HMBOX1: variants seen among roughly 807,000 people sequenced by gnomAD.
HMBOX1 encodes the protein homeobox-containing protein 1.
HMBOX1 carries 14 observed loss-of-function variants against 54.5 expected under a neutral mutation model. The observed-to-expected ratio is 0.26, with a 90% confidence interval of 0.17 to 0.40. HMBOX1 has a LOEUF of 0.40. Ranked by LOEUF, HMBOX1 falls within the 10% of genes least tolerant of loss-of-function variation. The pLI is 1.00. For missense variants in HMBOX1, 332 were observed against 514.4 expected (o/e 0.65, Z 3.43); for synonymous variants, 160 against 181.0 (o/e 0.88, Z 0.93).
intron 1 of HMBOX1, among the ~76,000 whole-genome samples, chr8:28,917,679 G>T (rs1019668255): frequency 6.6e-6 from 1 of 151,970 alleles, no homozygotes; most frequent in South Asian, 2.1e-4. Context: ...TATATTTAGG[G>T]TTTTCATGGA....
intron 4 of HMBOX1, among the ~76,000 whole-genome samples, chr8:28,992,350 T>A (rs1831099707): frequency 6.6e-6 from 1 of 152,188 alleles, no homozygotes; most frequent in Admixed American, 6.5e-5. Context: ...AGTTTTTCTG[T>A]TATTATCGTT....
At chr8:28,890,261 G>A (rs1451793131), upstream of HMBOX1, 1 of 194,286 alleles carries the variant, frequency 5.1e-6, no homozygotes, top group African/African-American at 2.3e-5. Flanking sequence ...CAAAGGGAAG[G>A]CGGATGGGCA....
chr8:28,926,737 T>A (rs1364736535), intron 1 of HMBOX1, among the ~76,000 whole-genome samples: 2 of 152,184 alleles, frequency 1.3e-5, no homozygotes, highest in African/African-American at 4.8e-5. Context: ...CTAGCTAATT[T>A]AAAAAAACTT....
intron 1 of HMBOX1, among the ~76,000 whole-genome samples, chr8:28,896,094 G>A (rs1812051411): frequency 1.3e-5 from 2 of 152,200 alleles, no homozygotes; most frequent in Admixed American, 1.3e-4. Context: ...ATGTGACCTT[G>A]GGCAAATCAT....
intron 2 of HMBOX1, among the ~76,000 whole-genome samples, chr8:28,964,647 G>A (rs774830821): frequency 1.3e-4 from 20 of 151,990 alleles, no homozygotes; most frequent in Non-Finnish European, 2.9e-4. Context: ...TTCCGTTTTG[G>A]TTGACAGTTC....
At chr8:29,005,988 CTATTT>C (rs1475049626) in intron 4 of HMBOX1, among the ~76,000 whole-genome samples, 1 of 137,154 alleles carries the variant, frequency 7.3e-6, no homozygotes, top group African/African-American at 2.7e-5. Flanking sequence ...TTGATGCATT[CTATTT>C]TTTTTTTTTT....
At chr8:28,947,193 GC>G (rs1822620199) in intron 1 of HMBOX1, among the ~76,000 whole-genome samples, 1 of 152,138 alleles carries the variant, frequency 6.6e-6, no homozygotes, top group Non-Finnish European at 1.5e-5. Flanking sequence ...AAAATGTGAG[GC>G]CCTAAAATAA....
intron 1 of HMBOX1, among the ~76,000 whole-genome samples, chr8:28,908,583 T>C: frequency 6.6e-6 from 1 of 152,204 alleles, no homozygotes; most frequent in African/African-American, 2.4e-5. Context: ...GGCCAAACCC[T>C]GTCTCTACCA....
chr8:28,896,184 C>T (rs1461862708), intron 1 of HMBOX1, among the ~76,000 whole-genome samples: 2 of 152,152 alleles, frequency 1.3e-5, no homozygotes, highest in African/African-American at 2.4e-5. Context: ...TATTGTGAGC[C>T]CTTGAAGTGC....
intron 1 of HMBOX1, among the ~76,000 whole-genome samples, chr8:28,948,115 A>T (rs536368829): frequency 6.6e-6 from 1 of 152,116 alleles, no homozygotes; most frequent in Non-Finnish European, 1.5e-5. Flanking sequence ...AATCTTTATT[A>T]AGATTTTATT....
chr8:28,934,606 G>A (rs1820054903), intron 1 of HMBOX1, among the ~76,000 whole-genome samples: 1 of 152,196 alleles, frequency 6.6e-6, no homozygotes, highest in African/African-American at 2.4e-5. Context: ...AGTTAGTTTA[G>A]TAAAGTCACA....
intron 1 of HMBOX1, among the ~76,000 whole-genome samples, chr8:28,962,804 C>CT (rs932304872): frequency 1.5e-4 from 23 of 151,002 alleles, no homozygotes; most frequent in Admixed American, 4.6e-4. Context: ...TATTTTTGGT[C>CT]TTTTTTTTTG....
chr8:28,898,318 C>G (rs952387615), intron 1 of HMBOX1, among the ~76,000 whole-genome samples: 2 of 152,096 alleles, frequency 1.3e-5, no homozygotes, highest in Non-Finnish European at 2.9e-5. Flanking sequence ...AAATAAGATT[C>G]ATATTTACAA....
intron 1 of HMBOX1, among the ~76,000 whole-genome samples, chr8:28,913,693 A>G (rs1002347957): frequency 6.6e-6 from 1 of 152,118 alleles, no homozygotes; most frequent in Non-Finnish European, 1.5e-5. Flanking sequence ...TTCTTGACTC[A>G]TAGTAAATGC....
chr8:28,966,419 A>T (rs987687948), intron 2 of HMBOX1, among the ~76,000 whole-genome samples: 14 of 152,200 alleles, frequency 9.2e-5, no homozygotes, highest in Non-Finnish European at 2.1e-4. Flanking sequence ...CATTCAGATT[A>T]GTAATTTAAA....
intron 1 of HMBOX1, among the ~76,000 whole-genome samples, chr8:28,900,336 G>T (rs1385564018): frequency 1.4e-5 from 2 of 147,608 alleles, no homozygotes; most frequent in Non-Finnish European, 3.0e-5. Flanking sequence ...ATCTGAGATG[G>T]GCCCAGGAAT....
chr8:29,014,923 G>A (rs1040721798), intron 5 of HMBOX1, among the ~76,000 whole-genome samples: 2 of 152,012 alleles, frequency 1.3e-5, no homozygotes, highest in Admixed American at 6.5e-5. Flanking sequence ...CAGGTGTTCC[G>A]CCCGCCTCAG....
chr8:28,916,217 T>C (rs1408980902), intron 1 of HMBOX1, among the ~76,000 whole-genome samples: 1 of 152,154 alleles, frequency 6.6e-6, no homozygotes, highest in Non-Finnish European at 1.5e-5. Context: ...TAAGGGGAAA[T>C]TTTTCCCCAG....
chr8:29,016,208 G>A (rs762966180), intron 5 of HMBOX1, among the ~76,000 whole-genome samples: 22 of 152,126 alleles, frequency 1.4e-4, no homozygotes, highest in Non-Finnish European at 2.2e-4. Flanking sequence ...TGACAGACCA[G>A]AAAAAAATTG....
Sources: gnomAD v4.1 joint callset for allele counts (sites outside exome capture counted in the v4.1 genomes callset) on GRCh38, gnomAD v4.1.1 for gene constraint, MANE v1.5 for transcripts, NCBI Gene and HGNC (gene_info 2026-07-23, HGNC 2026-07-21) for gene names.